UPP1: variants seen among roughly 807,000 people sequenced by gnomAD.
UPP1 encodes UPase 1.
UPP1 carries 25 observed loss-of-function variants against 29.6 expected under a neutral mutation model. The observed-to-expected ratio is 0.85, with a 90% confidence interval of 0.62 to 1.18. The LOEUF (loss-of-function observed/expected upper bound fraction) is 1.18. Among genes scored for constraint, UPP1 ranks in the 50% most tolerant of loss-of-function variants. The pLI, the probability that UPP1 is intolerant of heterozygous loss-of-function variation, is 0.00. For synonymous variants in UPP1, 165 were observed against 159.8 expected (o/e 1.03, Z -0.25); for missense variants, 368 against 410.4 (o/e 0.90, Z 0.89).
At chr7:48,107,667 A>G (rs1054888350) in intron 8 of UPP1, among the ~76,000 whole-genome samples, 160 bp downstream of exon 8, 1 of 152,148 alleles carries the variant, frequency 6.6e-6, no homozygotes, top group Admixed American at 6.5e-5. Context: ...TGTTGTCACC[A>G]CAATGCTGTT....
At position 48,107,434 on chromosome 7, in the gene UPP1, T is replaced by C. The variant is rs766110837; in HGVS notation, c.720T>C (p.Tyr240=). Residue 240 remains tyrosine, a synonymous_variant, in exon 8 of 9, where the codon TAT becomes TAC. Transcript: ENST00000395564. The part of the protein sequence containing the change: ...KDKQAYLEAA[Y]AAGVRNIEME... Reference sequence around the variant, plus strand: ...AGCAGGCGTATCTGGAGGCAGCCTATGCAGCCGGCGTCCGCAATATCGAGA... The same window carrying C: ...AGCAGGCGTATCTGGAGGCAGCCTACGCAGCCGGCGTCCGCAATATCGAGA... 1 of 1,614,086 alleles carries C rather than the reference T, an allele frequency of 6.2e-7. No individual in the cohort carries two copies. The highest frequency in any genetic ancestry group is 1.3e-5 in the African/African-American group (1 of 74,932).
At chr7:48,091,481 G>T (rs1791833376) in intron 2 of UPP1, among the ~76,000 whole-genome samples, 1 of 152,164 alleles carries the variant, frequency 6.6e-6, no homozygotes, top group South Asian at 2.1e-4. Context: ...GAAGAGCATG[G>T]CTTTCTAGAG....
At chr7:48,090,139 G>A (rs1215005188) in intron 1 of UPP1, 49 bp from the exon 2 acceptor site, 1 of 152,182 alleles carries the variant, frequency 6.6e-6, no homozygotes, top group Non-Finnish European at 1.5e-5. Flanking sequence ...TGGGGAAGGG[G>A]GTCCCTTCAC....
chr7:48,096,497 A>G (rs1792137960), intron 3 of UPP1, among the ~76,000 whole-genome samples: 1 of 152,150 alleles, frequency 6.6e-6, no homozygotes, highest in Non-Finnish European at 1.5e-5. Flanking sequence ...TGCGAGATGC[A>G]GCCAGCATTT....
At chr7:48,088,811 CG>C (rs921547028), upstream of UPP1, 4 of 152,456 alleles carry the variant, frequency 2.6e-5, no homozygotes, top group Non-Finnish European at 5.9e-5. Context: ...GCCCCAGCCG[CG>C]GGGCCACCGC....
At chr7:48,089,933 G>T (rs1321250832) in intron 1 of UPP1, among the ~76,000 whole-genome samples, 1 of 152,216 alleles carries the variant, frequency 6.6e-6, no homozygotes, top group Non-Finnish European at 1.5e-5. Flanking sequence ...TGTCCCCACC[G>T]CCTTTTAAAG....
chr7:48,103,201 G>A, intron 5 of UPP1, 96 bp from the exon 6 acceptor site: 1 of 856,486 alleles, frequency 1.2e-6, no homozygotes, highest in Admixed American at 1.9e-5. Context: ...TATGTCAATG[G>A]GCATGTTAGA....
At chr7:48,103,171 A>G (rs1792525586) in intron 5 of UPP1, 126 bp from the exon 6 acceptor site, 3 of 675,896 alleles carry the variant, frequency 4.4e-6, no homozygotes, top group Non-Finnish European at 5.1e-6. Context: ...TTTATATTTA[A>G]AAAGTTTATC....
chr7:48,090,803 C>T (rs948504695), intron 2 of UPP1, among the ~76,000 whole-genome samples: 49 of 152,296 alleles, frequency 3.2e-4, no homozygotes, highest in African/African-American at 1.1e-3. Context: ...GCTACCCTGA[C>T]CTTCTAGTCC....
Position 48,107,072 on chromosome 7 carries a change from C to T in UPP1, c.636C>T (p.Asp212=), listed in dbSNP as rs1414801182. 3 of 1,611,860 alleles carry T rather than the reference C, an allele frequency of 1.9e-6. No homozygotes were observed. In the Admixed American group the frequency reaches 5.0e-5, roughly 27 times the overall value. The change falls in exon 7 of 9, where the codon GAC becomes GAT. Residue 212 remains aspartate (D), a synonymous_variant. Transcript: ENST00000395564. The stretch of plus-strand genomic sequence containing the variant: ...TGGGGAACACCATGTGCACCTTGGA[C>T]TTCTATGAAGGTGAGGCAGCGGATA... ...TVVGNTMCTL[D]FYEGQGRLDG...
At chr7:48,094,632 T>G in intron 2 of UPP1, 131 bp from the exon 3 acceptor site, 1 of 718,966 alleles carries the variant, frequency 1.4e-6, no homozygotes, top group South Asian at 1.7e-5. Flanking sequence ...TCTCACACAA[T>G]TCACACACTT....
chr7:48,094,642 T>G, intron 2 of UPP1, 121 bp from the exon 3 acceptor site: 1 of 768,956 alleles, frequency 1.3e-6, no homozygotes, highest in South Asian at 1.6e-5. Context: ...TTCACACACT[T>G]ACATCAGGTG....
intron 4 of UPP1, 60 bp from the exon 5 acceptor site, chr7:48,101,760 GCCCC>G (rs2128813587): frequency 1.3e-6 from 2 of 1,546,186 alleles, no homozygotes; most frequent in East Asian, 4.6e-5. Flanking sequence ...TGGTCTAGGG[GCCCC>G]ACTTGAGGAC....
chr7:48,092,044 C>G lies in UPP1; in HGVS notation c.-22+1680C>G, dbSNP rs988110380. ...GGGGGCCACTCAGCAGTCTCTGATT[C>G]AGTGGGATGTTCTCAGCTGCTGGCC... On this transcript the variant is annotated intron_variant, in intron 2 of 8. Transcript: ENST00000395564. Among the ~76,000 whole-genome samples the G allele has an allele frequency of 4.6e-5, 7 of 152,188 alleles. No individual in the cohort carries two copies. The South Asian group carries it at 1.4e-3, about 32-fold the overall frequency.
rs1339491816 is a variant in UPP1 at position 48,107,033 on chromosome 7, G to A, written c.597G>A (p.Glu199=). Residue 199 remains glutamate (E), a synonymous_variant, in exon 7 of 9, where the codon GAG becomes GAA. Transcript: ENST00000395564. The part of the protein sequence containing the change: ...ELLLCSAELS[E]FTTVVGNTMC... ...TGCTGTGTTCTGCAGAGCTGAGCGA[G>A]TTCACCACAGTGGTGGGGAACACCA... 1 of 1,612,490 alleles carries A rather than the reference G, an allele frequency of 6.2e-7. No homozygotes were observed. The highest frequency in any genetic ancestry group is 8.5e-7 in the Non-Finnish European group (1 of 1,179,894).
intron 4 of UPP1, 151 bp from the exon 5 acceptor site, chr7:48,101,673 C>G: frequency 1.2e-6 from 1 of 868,008 alleles, no homozygotes; most frequent in East Asian, 2.9e-5. Flanking sequence ...GATTCCTGGG[C>G]CCCTTAGATT....
At chr7:48,089,146 T>G (rs1456486109), upstream of UPP1, 3 of 151,538 alleles carry the variant, frequency 2.0e-5, 1 homozygote, top group Admixed American at 2.0e-4. Context: ...TGGCCCAGGA[T>G]GCGGTCAGCT....
upstream of UPP1, chr7:48,088,991 A>G (rs936425987): frequency 2.6e-5 from 4 of 152,024 alleles, no homozygotes; most frequent in East Asian, 1.9e-4. Context: ...GTTCTTTACA[A>G]TTGCCCAGCT....
At chr7:48,101,803 G>A (rs1032601454) in intron 4 of UPP1, 21 bp from the exon 5 acceptor site, 1 of 1,611,208 alleles carries the variant, frequency 6.2e-7, no homozygotes, top group South Asian at 1.1e-5. Context: ...ACTAATGGGG[G>A]TCTCTCTTCT....
Sources: gnomAD v4.1 joint callset for allele counts (sites outside exome capture counted in the v4.1 genomes callset) on GRCh38, gnomAD v4.1.1 for gene constraint, MANE v1.5 for transcripts, NCBI Gene and HGNC (gene_info 2026-07-23, HGNC 2026-07-21) for gene names.